TET1: variants seen among roughly 807,000 people sequenced by gnomAD.
TET1 encodes methylcytosine dioxygenase TET1.
TET1 carries 13 observed loss-of-function variants against 148.7 expected under a neutral mutation model. That is an observed-to-expected ratio of 0.09 (90% CI 0.06 to 0.14). TET1 has a LOEUF of 0.14. TET1 is among the 10% of genes least tolerant of loss of function. TET1 has a pLI of 1.00. For synonymous variants in TET1, 907 were observed against 937.2 expected (o/e 0.97, Z 0.59); for missense variants, 2,182 against 2,553.8 (o/e 0.85, Z 3.14).
intron 2 of TET1, among the ~76,000 whole-genome samples, chr10:68,580,854 C>T (rs2053789372): frequency 6.7e-6 from 1 of 149,106 alleles, no homozygotes; most frequent in Non-Finnish European, 1.5e-5. Flanking sequence ...TTTTGTAATC[C>T]CAACTACTCA....
intron 1 of TET1, among the ~76,000 whole-genome samples, chr10:68,565,518 A>G (rs200112117): frequency 7.0e-6 from 1 of 143,508 alleles, no homozygotes; most frequent in African/African-American, 2.5e-5. Context: ...ACACACACAC[A>G]TTTTTGTATG....
At chr10:68,561,643 A>G (rs1370061581) in intron 1 of TET1, among the ~76,000 whole-genome samples, 2 of 151,722 alleles carry the variant, frequency 1.3e-5, no homozygotes, top group Non-Finnish European at 2.9e-5. Flanking sequence ...GCGGCCGCAC[A>G]ACCTACCGCC....
Position 68,692,337 on chromosome 10 carries a change from A to G in TET1, c.*523A>G, listed in dbSNP as rs2055604612. Reference sequence around the variant, plus strand: ...TATTCCTTTGAAATAAACTTATGAAATGTTTTCTCTCTTAAAATATTTCTC... The same window carrying G: ...TATTCCTTTGAAATAAACTTATGAAGTGTTTTCTCTCTTAAAATATTTCTC... On this transcript the variant is annotated 3_prime_UTR_variant, in exon 12 of 12. Transcript: ENST00000373644. 1 of 232,304 alleles carries G rather than the reference A, an allele frequency of 4.3e-6. No individual in the cohort carries two copies. The allele number at this position is 232,304 out of a possible 1,614,324, so 14.4% of individuals were successfully genotyped here. A position where few individuals can be genotyped will look rare whatever the true frequency, so the allele number is the denominator to read the frequency against.
At position 68,692,580 on chromosome 10, in the gene TET1, A is replaced by T. The variant is rs533824536; in HGVS notation, c.*766A>T. On this transcript the variant is annotated 3_prime_UTR_variant, in exon 12 of 12. Transcript: ENST00000373644. ...GTTAACTGCAGTATGTATTCTAATC[A>T]TGTATATGGTTTGTGTTCTTTTACT... The T allele has an allele frequency of 4.3e-6, 1 of 232,458 alleles. No homozygotes were observed. Among genetic ancestry groups the T allele is most frequent in the East Asian group, 6.2e-5 (1 of 16,252 alleles). 14.4% of individuals were successfully genotyped at this position (232,458 alleles called of 1,614,324 possible). A position where few individuals can be genotyped will look rare whatever the true frequency, so the allele number is the denominator to read the frequency against.
rs183369862 is a variant in TET1 at position 68,657,436 on chromosome 10, A to T, written c.4461+4842A>T. Among the ~76,000 whole-genome samples the T allele has an allele frequency of 4.4e-3, 669 of 152,258 alleles. 4 individuals are homozygous for T. The highest frequency in any genetic ancestry group is 0.015 in the African/African-American group (640 of 41,552). ...CGTGATCCGCCCACCTCAGCCTCCC[A>T]AAGTGCGGGGATTACAGGCGTAAGC... On this transcript the variant is annotated intron_variant, in intron 6 of 11. Coordinates refer to ENST00000373644, the MANE Select transcript of TET1 (RefSeq NM_030625.3).
In TET1 at chr10:68,691,776, C is replaced by G. The variant is rs2055598143; in HGVS notation, c.6373C>G (p.Leu2125Val). Residue 2125 changes from leucine to valine, a missense_variant, in exon 12 of 12, where the codon CTC becomes GTC. By Grantham distance (32) the Leu-to-Val change is conservative. Coordinates refer to ENST00000373644, the MANE Select transcript of TET1 (RefSeq NM_030625.3). This position sits in a 1 kb window ranked among gnomAD's most constrained non-coding sequence, Gnocchi z 4.4. ...DNVVTVSPYA[L>V]THVAGPYNHW... ...TGTTGTCACCGTGTCCCCTTATGCTCTCACACACGTTGCGGGGCCCTATAA... is the reference window on the plus strand; with the variant it reads ...TGTTGTCACCGTGTCCCCTTATGCTGTCACACACGTTGCGGGGCCCTATAA... 6.2e-7 allele frequency: 1 copy of G among 1,613,842 alleles called. No individual in the cohort carries two copies. Among genetic ancestry groups the G allele is most frequent in the Non-Finnish European group, 8.5e-7 (1 of 1,180,022 alleles).
At chr10:68,656,367 A>G (rs946112685) in intron 6 of TET1, among the ~76,000 whole-genome samples, 5 of 152,052 alleles carry the variant, frequency 3.3e-5, no homozygotes, top group East Asian at 1.9e-4. Flanking sequence ...GGTTCACACC[A>G]TTCTCCTGCC....
intron 1 of TET1, 38 bp from the exon 2 acceptor site, chr10:68,572,178 GA>G: frequency 5.0e-6 from 3 of 605,684 alleles, no homozygotes; most frequent in Non-Finnish European, 8.7e-6. Context: ...GAATGCATAG[GA>G]AAAAGACTCA....
At chr10:68,566,707 G>A (rs1308075788) in intron 1 of TET1, among the ~76,000 whole-genome samples, 7 of 152,092 alleles carry the variant, frequency 4.6e-5, no homozygotes, top group African/African-American at 7.2e-5. Flanking sequence ...TATAACCTAC[G>A]TAGTGTGTAA....
intron 3 of TET1, chr10:68,632,368 C>T: frequency 6.3e-7 from 1 of 1,597,642 alleles, no homozygotes; most frequent in South Asian, 1.1e-5. Flanking sequence ...CGGAGTAGTC[C>T]TCATGGCCTC....
In TET1 at chr10:68,573,088, T is replaced by C; in HGVS notation, c.750T>C (p.Ala250=). ...TGTTTGCTCAGGACACAGTGTGTGC[T>C]CCTTTTCCCCAAAGAGCAACCCCCA... ...PKMFAQDTVC[A]PFPQRATPKV... The change falls in exon 2 of 12, where the codon GCT becomes GCC. Residue 250 remains alanine (A), a synonymous_variant. Transcript: ENST00000373644. 6.2e-7 allele frequency: 1 copy of C among 1,614,174 alleles called. No homozygotes were observed. Among genetic ancestry groups the C allele is most frequent in the Non-Finnish European group, 8.5e-7 (1 of 1,180,032 alleles).
At chr10:68,650,685 C>G (rs975189407) in intron 4 of TET1, among the ~76,000 whole-genome samples, 1 of 152,006 alleles carries the variant, frequency 6.6e-6, no homozygotes, top group Admixed American at 6.6e-5. Flanking sequence ...GAAGTAATTC[C>G]CCTAGTATTT....
chr10:68,626,147 G>T (rs1382910074), intron 3 of TET1, among the ~76,000 whole-genome samples: 2 of 143,334 alleles, frequency 1.4e-5, no homozygotes, highest in Non-Finnish European at 3.1e-5. Context: ...AAGGGGGAGG[G>T]AAAATACGGT....
At chr10:68,615,942 C>T (rs1442823036) in intron 3 of TET1, among the ~76,000 whole-genome samples, 3 of 152,168 alleles carry the variant, frequency 2.0e-5, no homozygotes, top group Non-Finnish European at 4.4e-5. Flanking sequence ...CCACCACGTC[C>T]GGCCTAAGAA....
rs2055561782 is a variant in TET1 at position 68,689,536 on chromosome 10, A to G, written c.5405-1272A>G. Reference sequence around the variant, plus strand: ...GTCAACATGGTGAAACCCCGTCTCTACTAAAATACAAAAAATTAGCCAGGC... The same window carrying G: ...GTCAACATGGTGAAACCCCGTCTCTGCTAAAATACAAAAAATTAGCCAGGC... On this transcript the variant is annotated intron_variant, in intron 11 of 11. Transcript: ENST00000373644. 2.0e-5 allele frequency among the ~76,000 whole-genome samples: 3 copies of G among 151,902 alleles called. 1 individual carries two copies. The highest frequency in any genetic ancestry group is 2.0e-4 in the Admixed American group (3 of 15,252).
At chr10:68,685,858 A>T (rs1356203076) in intron 10 of TET1, among the ~76,000 whole-genome samples, 7 of 152,220 alleles carry the variant, frequency 4.6e-5, no homozygotes, top group Admixed American at 1.3e-4. Flanking sequence ...ATTAAAAAAA[A>T]ATTTTTTTTA....
At chr10:68,676,150 T>C (rs960242196) in intron 8 of TET1, among the ~76,000 whole-genome samples, 6 of 120,742 alleles carry the variant, frequency 5.0e-5, no homozygotes, top group African/African-American at 1.9e-4. Context: ...CCACAGCACC[T>C]GGCCTTTTGT....
At chr10:68,561,367 G>A (rs1451951705) in intron 1 of TET1, among the ~76,000 whole-genome samples, 1 of 152,188 alleles carries the variant, frequency 6.6e-6, no homozygotes, top group African/African-American at 2.4e-5. Flanking sequence ...TGGAGGCAGT[G>A]GTGCAGTCTT....
intron 8 of TET1, chr10:68,673,483 C>A: frequency 2.8e-6 from 1 of 361,416 alleles, no homozygotes; most frequent in South Asian, 2.2e-5. Context: ...GGACACGAGG[C>A]CATGGTGAGC....
Sources: gnomAD v4.1 joint callset for allele counts (sites outside exome capture counted in the v4.1 genomes callset) on GRCh38, gnomAD v4.1.1 for gene constraint, Gnocchi (gnomAD v3.1) non-coding constraint, MANE v1.5 for transcripts, NCBI Gene and HGNC (gene_info 2026-07-23, HGNC 2026-07-21) for gene names.